Variants in CNOT4 observed in about 807,000 individuals in gnomAD.
CNOT4 encodes CCR4-NOT transcription complex subunit 4.
Under a neutral mutation model 73.8 loss-of-function variants are expected in CNOT4, and 8 were observed. The observed-to-expected ratio is 0.11, with a 90% CI of 0.06 to 0.20. CNOT4 has a LOEUF of 0.20. Ranked by LOEUF, CNOT4 falls within the 10% of genes least tolerant of loss-of-function variation. The pLI, the probability that CNOT4 is intolerant of heterozygous loss-of-function variation, is 1.00. For synonymous variants in CNOT4, 293 were observed against 321.1 expected (o/e 0.91, Z 0.94); for missense variants, 564 against 883.4 (o/e 0.64, Z 4.58).
chr7:135,362,689 A>G lies in CNOT4; in HGVS notation c.*196T>C, dbSNP rs1179081490. 2 of 730,688 alleles carry G rather than the reference A, an allele frequency of 2.7e-6. No homozygotes were observed. Among genetic ancestry groups the G allele is most frequent in the Non-Finnish European group, 5.0e-6 (2 of 402,646 alleles). 45.3% of individuals were successfully genotyped at this position (730,688 alleles called of 1,614,324 possible). A position where few individuals can be genotyped will look rare whatever the true frequency, so the allele number is the denominator to read the frequency against. ...GTGTCACTCAAATGCTGGATCAACA[A>G]AAATTTTTACAATTAATAAAGAGAT... On this transcript the variant is annotated 3_prime_UTR_variant, in exon 12 of 12. Transcript: ENST00000541284.
chr7:135,501,965 T>A (rs1258366455), intron 1 of CNOT4, among the ~76,000 whole-genome samples: 1 of 152,214 alleles, frequency 6.6e-6, no homozygotes, highest in Non-Finnish European at 1.5e-5. Flanking sequence ...CCCTCATCAA[T>A]GATAATGCCA....
At chr7:135,460,994 A>G (rs899804864) in intron 1 of CNOT4, among the ~76,000 whole-genome samples, 1 of 152,228 alleles carries the variant, frequency 6.6e-6, no homozygotes, top group Non-Finnish European at 1.5e-5. Flanking sequence ...CAAACCTGTA[A>G]AAATGTAAAA....
At chr7:135,452,956 T>G (rs796473131) in intron 1 of CNOT4, among the ~76,000 whole-genome samples, 6 of 152,336 alleles carry the variant, frequency 3.9e-5, no homozygotes, top group African/African-American at 1.4e-4. Context: ...ACCACACTTG[T>G]GAAGGTTGTC....
chr7:135,395,343 C>G (rs1454377521), intron 9 of CNOT4, among the ~76,000 whole-genome samples: 1 of 151,920 alleles, frequency 6.6e-6, no homozygotes, highest in African/African-American at 2.4e-5. Context: ...CCAAGACCCC[C>G]ACCTCCAAAA....
intron 1 of CNOT4, chr7:135,445,008 A>G: frequency 1.2e-6 from 1 of 827,872 alleles, no homozygotes. Flanking sequence ...AGCTCACAAT[A>G]AGGAAGAAAT....
At chr7:135,482,755 C>A (rs1359903233) in intron 1 of CNOT4, among the ~76,000 whole-genome samples, 1 of 150,732 alleles carries the variant, frequency 6.6e-6, no homozygotes, top group Non-Finnish European at 1.5e-5. Context: ...CCAAGGCAGG[C>A]AGATGACCTG....
intron 2 of CNOT4, among the ~76,000 whole-genome samples, chr7:135,423,375 G>T (rs1798298092): frequency 6.6e-6 from 1 of 150,970 alleles, no homozygotes. Context: ...AAAAAAAAAG[G>T]TGGAAACAAG....
chr7:135,504,662 A>G (rs1804241041), intron 1 of CNOT4, among the ~76,000 whole-genome samples: 1 of 116,290 alleles, frequency 8.6e-6, no homozygotes, highest in Non-Finnish European at 1.8e-5. Flanking sequence ...AATTTTTTGT[A>G]TTTTTAGTAG....
intron 1 of CNOT4, among the ~76,000 whole-genome samples, chr7:135,477,673 T>C (rs1054969770): frequency 6.6e-6 from 1 of 152,222 alleles, no homozygotes; most frequent in Non-Finnish European, 1.5e-5. Context: ...CATTTCATCA[T>C]ACAGATGGAC....
At chr7:135,498,348 C>T (rs1218645913) in intron 1 of CNOT4, among the ~76,000 whole-genome samples, 1 of 152,146 alleles carries the variant, frequency 6.6e-6, no homozygotes, top group Non-Finnish European at 1.5e-5. Context: ...ATAAAAACCA[C>T]AATCTACAAA....
At chr7:135,387,012 C>T (rs1796152455) in intron 10 of CNOT4, 2 of 869,506 alleles carry the variant, frequency 2.3e-6, no homozygotes, top group African/African-American at 1.8e-5. Flanking sequence ...AGCATCATTA[C>T]AAGGAGCCAG....
Position 135,363,819 on chromosome 7 carries a change from G to C in CNOT4, c.1840+35C>G, listed in dbSNP as rs776248981. ...ATCTGTGCTAAAAACCAAACTGTTG[G>C]CAGTCAGTGTAGCTGAAGGGAGTGA... On this transcript the variant is annotated intron_variant, in intron 11 of 11. Coordinates refer to ENST00000541284, the MANE Select transcript of CNOT4 (RefSeq NM_001190850.2). The surrounding 1 kb of genome is among the most constrained non-coding windows in gnomAD (Gnocchi z 4.3). The C allele has an allele frequency of 6.6e-7, 1 of 1,507,274 alleles. No individual in the cohort carries two copies. Among genetic ancestry groups the C allele is most frequent in the South Asian group, 1.2e-5 (1 of 85,020 alleles). The allele number at this position is 1,507,274 out of a possible 1,614,324, so 93.4% of individuals were successfully genotyped here. A position where few individuals can be genotyped will look rare whatever the true frequency, so the allele number is the denominator to read the frequency against.
intron 1 of CNOT4, among the ~76,000 whole-genome samples, chr7:135,472,700 C>T (rs1198632641): frequency 6.7e-6 from 1 of 150,230 alleles, no homozygotes; most frequent in Non-Finnish European, 1.5e-5. Flanking sequence ...ACGAATTACA[C>T]AAAATTCTAA....
chr7:135,404,336 A>G (rs1309509461), intron 7 of CNOT4, among the ~76,000 whole-genome samples: 1 of 152,192 alleles, frequency 6.6e-6, no homozygotes, highest in Non-Finnish European at 1.5e-5. Flanking sequence ...TTTGAGAATC[A>G]CTGCTTTATT....
In CNOT4 at chr7:135,446,448, CA is replaced by C. The variant is rs535458495; in HGVS notation, c.-92-8026del. Among the ~76,000 whole-genome samples, 49 of 151,492 alleles carry C rather than the reference CA, an allele frequency of 3.2e-4. 1 individual carries two copies. The highest frequency in any genetic ancestry group is 6.8e-3 in the Middle Eastern group (2 of 294). ...ATATATTTTGCCACAATAAAAAAGT[CA>C]AAAAAAGAAAAATATGCTGTATACA... On this transcript the variant is annotated intron_variant, in intron 1 of 11. Transcript: ENST00000541284.
chr7:135,439,095 T>G (rs766252245), intron 1 of CNOT4, among the ~76,000 whole-genome samples: 3 of 152,152 alleles, frequency 2.0e-5, no homozygotes, highest in Non-Finnish European at 4.4e-5. Context: ...CACAAACACT[T>G]TTTGAAAAGT....
chr7:135,420,561 AGT>A (rs974161504), intron 3 of CNOT4, among the ~76,000 whole-genome samples: 6 of 138,680 alleles, frequency 4.3e-5, no homozygotes, highest in African/African-American at 1.6e-4. Flanking sequence ...TGGGTGACAA[AGT>A]GAGACCATGT....
intron 1 of CNOT4, among the ~76,000 whole-genome samples, chr7:135,465,304 CAT>C (rs1160786748): frequency 1.3e-5 from 2 of 152,178 alleles, no homozygotes; most frequent in Admixed American, 6.5e-5. Context: ...CCACACCAGA[CAT>C]GTGTATATAC....
At chr7:135,489,802 T>G (rs1300742055) in intron 1 of CNOT4, among the ~76,000 whole-genome samples, 3 of 152,070 alleles carry the variant, frequency 2.0e-5, no homozygotes, top group Non-Finnish European at 4.4e-5. Flanking sequence ...ATATCTACCT[T>G]CAGACCAAGA....
Sources: gnomAD v4.1 joint callset for allele counts (sites outside exome capture counted in the v4.1 genomes callset) on GRCh38, gnomAD v4.1.1 for gene constraint, Gnocchi (gnomAD v3.1) non-coding constraint, MANE v1.5 for transcripts, NCBI Gene and HGNC (gene_info 2026-07-23, HGNC 2026-07-21) for gene names.